Variants in DPP10 observed in about 807,000 individuals in gnomAD.
DPP10 encodes the protein inactive dipeptidyl peptidase 10.
In DPP10, 33 loss-of-function variants were observed where a neutral mutation model predicts 120.9. The observed-to-expected ratio is 0.27, with a 90% CI of 0.21 to 0.37. DPP10 has a LOEUF of 0.37. Among genes scored for constraint, DPP10 ranks in the 10% least tolerant of loss-of-function variants. The probability of loss-of-function intolerance (pLI) is 1.00; values close to 1 mark genes in which losing one functional copy is unlikely to be tolerated. For synonymous variants in DPP10, 337 were observed against 326.1 expected (o/e 1.03, Z -0.36); for missense variants, 816 against 942.8 (o/e 0.87, Z 1.76).
intron 1 of DPP10, among the ~76,000 whole-genome samples, chr2:114,937,656 C>T (rs892205263): frequency 6.6e-6 from 1 of 152,198 alleles, no homozygotes; most frequent in Non-Finnish European, 1.5e-5. Context: ...CACCAATTAA[C>T]TGCACTGGGC....
chr2:115,495,746 G>A (rs947800225), intron 3 of DPP10, among the ~76,000 whole-genome samples: 7 of 152,096 alleles, frequency 4.6e-5, no homozygotes, highest in African/African-American at 1.4e-4. Flanking sequence ...AGATCTCAGG[G>A]TACACAGGCC....
intron 1 of DPP10, among the ~76,000 whole-genome samples, chr2:114,856,020 A>AT (rs1314187600): frequency 3.9e-5 from 6 of 152,044 alleles, no homozygotes; most frequent in Non-Finnish European, 8.8e-5. Flanking sequence ...TACAGAATAT[A>AT]TTTTTTAAAA....
At chr2:115,515,270 A>G (rs1289905293) in intron 4 of DPP10, among the ~76,000 whole-genome samples, 1 of 152,032 alleles carries the variant, frequency 6.6e-6, no homozygotes, top group African/African-American at 2.4e-5. Flanking sequence ...AAGAAAGTTT[A>G]TATTGCAATT....
At chr2:115,315,162 T>C (rs1330550692) in intron 2 of DPP10, among the ~76,000 whole-genome samples, 1 of 150,884 alleles carries the variant, frequency 6.6e-6, no homozygotes, top group Non-Finnish European at 1.5e-5. Flanking sequence ...AGGTAAAGAA[T>C]CCTCTCTGTT....
At chr2:114,850,395 T>G (rs940244813) in intron 1 of DPP10, among the ~76,000 whole-genome samples, 1 of 152,150 alleles carries the variant, frequency 6.6e-6, no homozygotes, top group Non-Finnish European at 1.5e-5. Flanking sequence ...GTTATTAATA[T>G]TCTTTCTTTT....
At chr2:114,701,875 G>A (rs182740782) in intron 1 of DPP10, among the ~76,000 whole-genome samples, 2 of 152,244 alleles carry the variant, frequency 1.3e-5, no homozygotes, top group African/African-American at 4.8e-5. Flanking sequence ...AATGTGAAAA[G>A]CTAGCTACAA....
chr2:114,646,262 G>C (rs1036182501), intron 1 of DPP10, among the ~76,000 whole-genome samples: 3 of 152,116 alleles, frequency 2.0e-5, no homozygotes, highest in Admixed American at 1.3e-4. Context: ...GCAATGGGGA[G>C]TAAAGCCAGC....
chr2:115,302,349 G>A (rs992302288), intron 1 of DPP10, among the ~76,000 whole-genome samples: 3 of 151,924 alleles, frequency 2.0e-5, no homozygotes, highest in Non-Finnish European at 4.4e-5. Context: ...AGTGATAAAT[G>A]TGAATTGCAA....
At chr2:115,261,867 A>T (rs1170493231) in intron 1 of DPP10, among the ~76,000 whole-genome samples, 1 of 152,212 alleles carries the variant, frequency 6.6e-6, no homozygotes, top group African/African-American at 2.4e-5. Context: ...CGTCACAATC[A>T]GGTTTTGCTA....
rs13029707 is a variant in DPP10 at position 114,619,609 on chromosome 2, C to T, written c.60+176771C>T. ...TTGCTTTTATCATGTTACACCTGAA[C>T]CAGATAAAATAAAATAAAATTAAAT... On this transcript the variant is annotated intron_variant, in intron 1 of 25. Coordinates refer to ENST00000410059, the MANE Select transcript of DPP10 (RefSeq NM_020868.6). 4.6e-3 allele frequency among the ~76,000 whole-genome samples: 704 copies of T among 152,012 alleles called. 3 individuals carry two copies. Among genetic ancestry groups the T allele is most frequent in the Non-Finnish European group, 7.5e-3 (510 of 67,902 alleles).
At chr2:115,096,354 A>G (rs746765476) in intron 1 of DPP10, among the ~76,000 whole-genome samples, 1 of 152,208 alleles carries the variant, frequency 6.6e-6, no homozygotes, top group Non-Finnish European at 1.5e-5. Flanking sequence ...TTATATATGC[A>G]CATTAAATAT....
chr2:114,566,459 G>C (rs903095378), intron 1 of DPP10, among the ~76,000 whole-genome samples: 30 of 152,152 alleles, frequency 2.0e-4, no homozygotes, highest in Non-Finnish European at 3.4e-4. Context: ...CTTTTCATTA[G>C]CATTTTGCGT....
chr2:115,016,616 G>A (rs150166641), intron 1 of DPP10, among the ~76,000 whole-genome samples: 76 of 151,774 alleles, frequency 5.0e-4, no homozygotes, highest in Admixed American at 1.4e-3. Context: ...CTGACAAAGG[G>A]CTAATATCCA....
At chr2:115,711,915 G>GTT (rs1491280011) in intron 7 of DPP10, among the ~76,000 whole-genome samples, 1,840 of 96,856 alleles carry the variant, frequency 0.019, 160 homozygotes, top group South Asian at 0.038. Context: ...AAAATGGTCT[G>GTT]GTTTTTTTTT....
chr2:115,236,046 C>T (rs961073125), intron 1 of DPP10, among the ~76,000 whole-genome samples: 3 of 152,068 alleles, frequency 2.0e-5, no homozygotes, highest in Non-Finnish European at 2.9e-5. Context: ...AACAGACAAG[C>T]AACCAAAACA....
intron 1 of DPP10, among the ~76,000 whole-genome samples, chr2:114,740,459 T>C (rs912906449): frequency 2.0e-5 from 3 of 150,478 alleles, no homozygotes; most frequent in Admixed American, 2.0e-4. Context: ...TATACATATG[T>C]AACTAACCTG....
intron 1 of DPP10, among the ~76,000 whole-genome samples, chr2:114,795,289 C>T (rs528219432): frequency 6.7e-4 from 102 of 151,398 alleles, no homozygotes; most frequent in African/African-American, 2.3e-3. Flanking sequence ...TTGAGACCAA[C>T]CTAGCCAACA....
intron 16 of DPP10, among the ~76,000 whole-genome samples, chr2:115,781,319 GA>G (rs1682739966): frequency 6.6e-6 from 1 of 151,930 alleles, no homozygotes; most frequent in Admixed American, 6.6e-5. Context: ...CTAGTCTTCA[GA>G]AAAAGTAATA....
At chr2:114,978,720 T>TA (rs1291706318) in intron 1 of DPP10, among the ~76,000 whole-genome samples, 2 of 152,112 alleles carry the variant, frequency 1.3e-5, no homozygotes, top group African/African-American at 2.4e-5. Flanking sequence ...CATTCCCAAA[T>TA]AAAAAATGAC....
Sources: gnomAD v4.1 joint callset for allele counts (sites outside exome capture counted in the v4.1 genomes callset) on GRCh38, gnomAD v4.1.1 for gene constraint, MANE v1.5 for transcripts, NCBI Gene and HGNC (gene_info 2026-07-23, HGNC 2026-07-21) for gene names.